Variants in LRRC7 observed in about 807,000 individuals in gnomAD.
The protein encoded by LRRC7 is leucine-rich repeat-containing protein 7.
Under a neutral mutation model 175.7 loss-of-function variants are expected in LRRC7, and 23 were observed. That is an observed-to-expected ratio of 0.13 (90% CI 0.09 to 0.19). The LOEUF (loss-of-function observed/expected upper bound fraction) is 0.19, where lower values mean the gene tolerates loss of function less well. LRRC7 is among the 10% of genes least tolerant of loss of function. The probability of loss-of-function intolerance (pLI) is 1.00; values close to 1 mark genes in which losing one functional copy is unlikely to be tolerated. For synonymous variants in LRRC7, 685 were observed against 680.9 expected (o/e 1.01, Z -0.09); for missense variants, 1,354 against 1,904.7 (o/e 0.71, Z 5.38).
At chr1:70,059,676 T>G (rs1180065262) in intron 23 of LRRC7, among the ~76,000 whole-genome samples, 2 of 152,162 alleles carry the variant, frequency 1.3e-5, no homozygotes, top group African/African-American at 4.8e-5. Flanking sequence ...TTTGTCATGT[T>G]TTTTAATGTA....
At chr1:69,827,793 C>T (rs945558961) in intron 5 of LRRC7, among the ~76,000 whole-genome samples, 10 of 152,036 alleles carry the variant, frequency 6.6e-5, no homozygotes, top group African/African-American at 2.4e-4. Context: ...GAACCATGAT[C>T]ATGCCCCTGC....
intron 4 of LRRC7, among the ~76,000 whole-genome samples, chr1:69,819,814 T>C (rs1010099667): frequency 2.6e-5 from 4 of 152,194 alleles, no homozygotes; most frequent in African/African-American, 4.8e-5. Flanking sequence ...CTTTGTCACT[T>C]GTGACAGGTT....
intron 22 of LRRC7, among the ~76,000 whole-genome samples, chr1:70,049,487 A>G (rs543755665): frequency 1.7e-4 from 25 of 151,360 alleles, no homozygotes; most frequent in Non-Finnish European, 2.7e-4. Flanking sequence ...TATAATTTCT[A>G]TTGATTCTGC....
chr1:69,968,493 A>T (rs903323468), intron 8 of LRRC7, among the ~76,000 whole-genome samples: 1 of 152,220 alleles, frequency 6.6e-6, no homozygotes. Flanking sequence ...ACCCAGGCAC[A>T]CTGTCATCAG....
At chr1:69,595,709 G>A (rs558158109) in intron 1 of LRRC7, among the ~76,000 whole-genome samples, 1 of 152,268 alleles carries the variant, frequency 6.6e-6, no homozygotes, top group East Asian at 1.9e-4. Flanking sequence ...GTGGTGAAAT[G>A]ATGCATGGCA....
At chr1:69,681,439 G>T (rs1486284061) in intron 2 of LRRC7, among the ~76,000 whole-genome samples, 1 of 152,068 alleles carries the variant, frequency 6.6e-6, no homozygotes, top group Non-Finnish European at 1.5e-5. Flanking sequence ...ACTTTGTATT[G>T]TTTTCTTTTA....
intron 7 of LRRC7, among the ~76,000 whole-genome samples, chr1:69,887,536 T>C (rs1174748898): frequency 6.6e-6 from 1 of 151,156 alleles, no homozygotes; most frequent in Non-Finnish European, 1.5e-5. Flanking sequence ...TTTTTCAAAG[T>C]TTTCAACTTC....
intron 10 of LRRC7, among the ~76,000 whole-genome samples, 194 bp from the exon 11 acceptor site, chr1:69,994,366 GT>G (rs1198218481): frequency 2.0e-5 from 3 of 152,114 alleles, no homozygotes; most frequent in African/African-American, 4.8e-5. Context: ...TGTCATTGAT[GT>G]ATGCAACTTT....
chr1:69,983,189 A>T (rs1303721858), intron 9 of LRRC7, among the ~76,000 whole-genome samples: 1 of 152,238 alleles, frequency 6.6e-6, no homozygotes, highest in East Asian at 1.9e-4. Context: ...ATTTCCAAGC[A>T]TGAGGAGAAA....
intron 2 of LRRC7, among the ~76,000 whole-genome samples, chr1:69,679,439 T>C (rs753775465): frequency 1.9e-4 from 29 of 152,080 alleles, no homozygotes; most frequent in Non-Finnish European, 4.0e-4. Context: ...TCATGGCAAA[T>C]GAATTGTTCT....
chr1:70,060,107 C>T (rs191640808), intron 23 of LRRC7, among the ~76,000 whole-genome samples: 28 of 152,120 alleles, frequency 1.8e-4, no homozygotes, highest in Admixed American at 1.2e-3. Flanking sequence ...CACTTGAGGC[C>T]AGGAGTTTGA....
intron 4 of LRRC7, among the ~76,000 whole-genome samples, chr1:69,806,057 T>C (rs923272766): frequency 2.0e-5 from 3 of 151,880 alleles, no homozygotes; most frequent in Admixed American, 6.6e-5. Context: ...TGAAGCATTG[T>C]GAGTCCTTCC....
chr1:69,732,471 A>C lies in LRRC7; in HGVS notation c.101-27720A>C, dbSNP rs1030723160. Among the ~76,000 whole-genome samples, 14 of 152,080 alleles carry C rather than the reference A, an allele frequency of 9.2e-5. 1 individual carries two copies. The highest frequency in any genetic ancestry group is 6.6e-4 in the Admixed American group (10 of 15,264). On this transcript the variant is annotated intron_variant, in intron 2 of 26. Transcript: ENST00000651989. ...CTGAAAACTTAGAAATAAAGGATCC[A>C]ATAGTTTTCCCAAATTCACAGAACT... is the stretch of plus-strand genomic sequence containing the variant.
chr1:70,118,063 GCA>G (rs71583108), intron 26 of LRRC7, among the ~76,000 whole-genome samples: 74,314 of 146,530 alleles, frequency 0.51, 18,606 homozygotes, highest in Middle Eastern at 0.56. Context: ...CTTCTTCTAT[GCA>G]CACACACACA....
intron 4 of LRRC7, among the ~76,000 whole-genome samples, chr1:69,812,005 T>C (rs926924977): frequency 1.1e-4 from 17 of 152,152 alleles, no homozygotes; most frequent in African/African-American, 3.1e-4. Context: ...ATAAAGGACT[T>C]TGTTACCTGA....
rs767682677 is a variant in LRRC7 at position 69,980,494 on chromosome 1, T to G, written c.786+41T>G. ...TTCTACCATGTTGTTTAATATTTGTTATACGTTTGTTGTATTTGATCATAA... is the reference window on the plus strand; with the variant it reads ...TTCTACCATGTTGTTTAATATTTGTGATACGTTTGTTGTATTTGATCATAA... On this transcript the variant is annotated intron_variant, in intron 9 of 26. Coordinates refer to ENST00000651989, the MANE Select transcript of LRRC7 (RefSeq NM_001370785.2). The G allele has an allele frequency of 1.2e-5, 17 of 1,420,746 alleles. No individual in the cohort carries two copies. The African/African-American group carries it at 1.6e-4, about 13-fold the overall frequency. 88.0% of individuals were successfully genotyped at this position (1,420,746 alleles called of 1,614,324 possible).
intron 1 of LRRC7, among the ~76,000 whole-genome samples, chr1:69,651,576 G>C (rs1201538675): frequency 1.3e-5 from 2 of 152,138 alleles, no homozygotes; most frequent in African/African-American, 4.8e-5. Context: ...CAGAAATATT[G>C]ATTAAGCAAT....
At chr1:70,078,767 A>T (rs1438000653) in intron 24 of LRRC7, among the ~76,000 whole-genome samples, 1 of 151,800 alleles carries the variant, frequency 6.6e-6, no homozygotes, top group Admixed American at 6.6e-5. Context: ...AATTTGTCAG[A>T]GTCAAATAAT....
chr1:69,772,809 C>T (rs574219257), intron 3 of LRRC7, among the ~76,000 whole-genome samples: 1 of 151,856 alleles, frequency 6.6e-6, no homozygotes, highest in South Asian at 2.1e-4. Context: ...AGGAGGAAAA[C>T]AAGGAAAGAA....
Sources: allele counts gnomAD v4.1 joint callset (sites outside exome capture counted in the v4.1 genomes callset), GRCh38; gene constraint gnomAD v4.1.1; transcripts MANE v1.5; gene names NCBI Gene and HGNC (gene_info 2026-07-23, HGNC 2026-07-21).